The following LRRC4C variants were observed in gnomAD, a reference collection of about 807,000 sequenced individuals.
LRRC4C encodes leucine rich repeat containing 4C, also known as leucine-rich repeat-containing protein 4C.
A neutral mutation model predicts 33.6 loss-of-function variants in LRRC4C; 5 were observed. The ratio of observed to expected loss-of-function variants is 0.15; its 90% confidence interval spans 0.08 to 0.31. LRRC4C has a LOEUF of 0.31. Among genes scored for constraint, LRRC4C ranks in the 10% least tolerant of loss-of-function variants. LRRC4C has a pLI of 1.00. For missense variants in LRRC4C, 560 were observed against 796.7 expected (o/e 0.70, Z 3.58); for synonymous variants, 329 against 302.0 (o/e 1.09, Z -0.93).
intron 2 of LRRC4C, among the ~76,000 whole-genome samples, chr11:40,820,368 A>C (rs917241432): frequency 2.6e-5 from 4 of 152,022 alleles, no homozygotes; most frequent in African/African-American, 4.8e-5. Flanking sequence ...GAAAAGCTCA[A>C]AAAATGAAAG....
intron 1 of LRRC4C, among the ~76,000 whole-genome samples, chr11:41,380,334 T>A (rs1052208954): frequency 2.6e-5 from 4 of 152,154 alleles, no homozygotes; most frequent in African/African-American, 9.6e-5. Context: ...TAATGTTTGT[T>A]TATTGATTAA....
chr11:40,168,646 T>A (rs1859798284), intron 5 of LRRC4C, among the ~76,000 whole-genome samples: 1 of 152,168 alleles, frequency 6.6e-6, no homozygotes, highest in South Asian at 2.1e-4. Context: ...AAACCTCACA[T>A]CAGAGTTAAT....
intron 1 of LRRC4C, among the ~76,000 whole-genome samples, chr11:41,401,338 C>A (rs777325195): frequency 5.9e-5 from 9 of 151,828 alleles, no homozygotes; most frequent in Admixed American, 2.0e-4. Flanking sequence ...CAGACTATAA[C>A]CATTACGGCA....
chr11:41,020,922 C>G (rs55833016), intron 1 of LRRC4C, among the ~76,000 whole-genome samples: 12,536 of 152,116 alleles, frequency 0.082, 563 homozygotes, highest in Non-Finnish European at 0.099. Flanking sequence ...GTTAAAAATC[C>G]TACTCATCTG....
chr11:40,705,232 G>C (rs1279520316), intron 2 of LRRC4C, among the ~76,000 whole-genome samples: 1 of 152,018 alleles, frequency 6.6e-6, no homozygotes, highest in Non-Finnish European at 1.5e-5. Flanking sequence ...TATACTTTAA[G>C]TTCTAGGATA....
chr11:40,164,203 A>G (rs1353868530), intron 5 of LRRC4C, among the ~76,000 whole-genome samples: 1 of 152,202 alleles, frequency 6.6e-6, no homozygotes, highest in South Asian at 2.1e-4. Flanking sequence ...GCTTAACACA[A>G]GAATGTCCAG....
intron 3 of LRRC4C, among the ~76,000 whole-genome samples, chr11:40,607,370 C>A (rs2135854667): frequency 6.6e-6 from 1 of 152,238 alleles, no homozygotes; most frequent in South Asian, 2.1e-4. Flanking sequence ...TTTTTCAAGA[C>A]AACTTTGGTC....
intron 2 of LRRC4C, among the ~76,000 whole-genome samples, chr11:40,911,359 A>C (rs1677678008): frequency 6.6e-6 from 1 of 152,168 alleles, no homozygotes; most frequent in Non-Finnish European, 1.5e-5. Context: ...TTCCAGAGGA[A>C]CGATCAGGCA....
intron 1 of LRRC4C, among the ~76,000 whole-genome samples, chr11:40,967,120 G>T (rs1592212922): frequency 6.6e-6 from 1 of 151,646 alleles, no homozygotes; most frequent in Admixed American, 6.6e-5. Flanking sequence ...CTGAGTTTGA[G>T]CTTAAAAGTT....
At chr11:40,452,623 C>T (rs1383847308) in intron 3 of LRRC4C, among the ~76,000 whole-genome samples, 3 of 152,116 alleles carry the variant, frequency 2.0e-5, no homozygotes, top group African/African-American at 2.4e-5. Flanking sequence ...GTCAGTGTGT[C>T]GATTCCTCAG....
At chr11:40,896,147 TA>T (rs1173627905) in intron 2 of LRRC4C, among the ~76,000 whole-genome samples, 1 of 152,184 alleles carries the variant, frequency 6.6e-6, no homozygotes, top group Admixed American at 6.6e-5. Context: ...GGTCCATCAC[TA>T]ATCATAATAT....
intron 2 of LRRC4C, among the ~76,000 whole-genome samples, chr11:40,846,228 G>A (rs897984172): frequency 7.9e-5 from 12 of 152,022 alleles, no homozygotes; most frequent in African/African-American, 2.4e-4. Flanking sequence ...ATTGCTTTTG[G>A]TGTTTTAGTC....
chr11:41,218,139 C>CAAAAAAAAAAAA (rs57736277), intron 1 of LRRC4C, among the ~76,000 whole-genome samples: 1 of 142,724 alleles, frequency 7.0e-6, no homozygotes, highest in Non-Finnish European at 1.5e-5. Flanking sequence ...TCAAGGTCAC[C>CAAAAAAAAAAAA]AAAAAAAAAA....
chr11:41,040,829 T>A (rs529846296), intron 1 of LRRC4C, among the ~76,000 whole-genome samples: 2 of 152,230 alleles, frequency 1.3e-5, no homozygotes, highest in Admixed American at 6.5e-5. Context: ...TGGTATTTAA[T>A]GACTCTTGAA....
chr11:40,223,125 T>C (rs1190060437), intron 5 of LRRC4C, among the ~76,000 whole-genome samples: 1 of 152,120 alleles, frequency 6.6e-6, no homozygotes, highest in Non-Finnish European at 1.5e-5. Context: ...GGCAGGGTAA[T>C]GGGTCCATTC....
chr11:41,306,667 A>G (rs1442345461), intron 1 of LRRC4C, among the ~76,000 whole-genome samples: 1 of 152,214 alleles, frequency 6.6e-6, no homozygotes, highest in Non-Finnish European at 1.5e-5. Context: ...AGTAATATGA[A>G]AGAAGAAGCA....
intron 4 of LRRC4C, among the ~76,000 whole-genome samples, chr11:40,259,350 A>G (rs1360802650): frequency 1.3e-5 from 2 of 151,526 alleles, no homozygotes; most frequent in Non-Finnish European, 2.9e-5. Context: ...ATTTTCTCCC[A>G]TTTTGTAGGT....
chr11:41,164,167 A>G lies in LRRC4C; in HGVS notation c.-495-230444T>C, dbSNP rs1491002359. ...TATTTTATTTAAATCCTTATTACAT[A>G]CTTCTTTTTCTTTTACCTTTTTTAT... On this transcript the variant is annotated intron_variant, in intron 1 of 6. Transcript: ENST00000528697. 2.7e-5 allele frequency among the ~76,000 whole-genome samples: 4 copies of G among 146,380 alleles called. No homozygotes were observed. The Admixed American group carries it at 2.8e-4, about 10-fold the overall frequency.
chr11:40,256,677 T>C (rs533005795), intron 4 of LRRC4C, among the ~76,000 whole-genome samples: 1 of 152,278 alleles, frequency 6.6e-6, no homozygotes, highest in South Asian at 2.1e-4. Flanking sequence ...GAAGATACAA[T>C]ACCCCTTTAT....
Sources: gnomAD v4.1 joint callset for allele counts (sites outside exome capture counted in the v4.1 genomes callset) on GRCh38, gnomAD v4.1.1 for gene constraint, MANE v1.5 for transcripts, NCBI Gene and HGNC (gene_info 2026-07-23, HGNC 2026-07-21) for gene names.